Variants in EYS observed in about 807,000 individuals in gnomAD.
EYS encodes protein eyes shut homolog.
In EYS, 250 loss-of-function variants were observed where a neutral mutation model predicts 282.1. That is an observed-to-expected ratio of 0.89 (90% CI 0.80 to 0.98). The LOEUF (loss-of-function observed/expected upper bound fraction) is 0.98. Among genes scored for constraint, EYS ranks in the 50% least tolerant of loss-of-function variants. The pLI is 0.00. For synonymous variants in EYS, 1,355 were observed against 1,282.9 expected (o/e 1.06, Z -1.20); for missense variants, 4,016 against 3,709.0 (o/e 1.08, Z -2.15).
chr6:65,228,071 T>G (rs1766675294), intron 12 of EYS, among the ~76,000 whole-genome samples: 1 of 152,060 alleles, frequency 6.6e-6, no homozygotes, highest in African/African-American at 2.4e-5. Flanking sequence ...AATGTTAAGT[T>G]TGATGTTACA....
At chr6:65,602,184 T>G (rs1765637536) in intron 2 of EYS, among the ~76,000 whole-genome samples, 1 of 151,892 alleles carries the variant, frequency 6.6e-6, no homozygotes, top group African/African-American at 2.4e-5. Context: ...CTCCAAAACT[T>G]AAAATTAAGT....
chr6:64,849,053 A>G (rs1051142731), intron 19 of EYS, among the ~76,000 whole-genome samples: 1 of 151,970 alleles, frequency 6.6e-6, no homozygotes, highest in Non-Finnish European at 1.5e-5. Flanking sequence ...ACACTATTCT[A>G]TTTTCATTTA....
chr6:64,413,819 C>A (rs929484086), intron 28 of EYS, among the ~76,000 whole-genome samples: 1 of 152,116 alleles, frequency 6.6e-6, no homozygotes, highest in African/African-American at 2.4e-5. Flanking sequence ...ATGTTGAAAT[C>A]CTAACGCCCA....
intron 12 of EYS, among the ~76,000 whole-genome samples, chr6:65,227,320 G>A (rs1398848816): frequency 2.6e-5 from 4 of 152,110 alleles, no homozygotes; most frequent in South Asian, 2.1e-4. Flanking sequence ...GGGCTGAGAA[G>A]TAACAGTTAA....
chr6:64,348,436 A>AGTCC (rs1771494956), intron 29 of EYS, among the ~76,000 whole-genome samples: 1 of 32 alleles, frequency 0.031, no homozygotes, highest in Admixed American at 0.25. Context: ...CTCCCATGGA[A>AGTCC]GCCACTCCCA....
At chr6:65,208,209 ACAT>A (rs1766084985) in intron 12 of EYS, among the ~76,000 whole-genome samples, 1 of 151,858 alleles carries the variant, frequency 6.6e-6, no homozygotes. Flanking sequence ...AAAATGCTCA[ACAT>A]CACGAATCAT....
intron 29 of EYS, among the ~76,000 whole-genome samples, chr6:64,324,729 C>A (rs1770344291): frequency 6.6e-6 from 1 of 152,104 alleles, no homozygotes; most frequent in Non-Finnish European, 1.5e-5. Context: ...AAAGACTCTG[C>A]CAAAAGGCTA....
At chr6:64,390,185 C>T (rs925977603) in intron 28 of EYS, among the ~76,000 whole-genome samples, 16 of 152,046 alleles carry the variant, frequency 1.1e-4, no homozygotes, top group African/African-American at 2.4e-4. Flanking sequence ...AAGGAGGCAG[C>T]GAGGCTGGGG....
chr6:64,316,579 G>A (rs901340026), intron 29 of EYS, among the ~76,000 whole-genome samples: 7 of 152,008 alleles, frequency 4.6e-5, no homozygotes, highest in Non-Finnish European at 7.4e-5. Context: ...CAAACAAATG[G>A]AAAAACATTC....
chr6:65,019,041 T>C (rs377186769), intron 13 of EYS, among the ~76,000 whole-genome samples: 2 of 152,268 alleles, frequency 1.3e-5, no homozygotes, highest in African/African-American at 4.8e-5. Flanking sequence ...GTGGCATAAA[T>C]GTAGAACGAG....
chr6:65,334,067 C>A (rs918998601), intron 11 of EYS, among the ~76,000 whole-genome samples: 2 of 151,468 alleles, frequency 1.3e-5, no homozygotes, highest in Admixed American at 6.6e-5. Context: ...CCAGTCTAAA[C>A]GTCTCTAAAT....
At chr6:64,442,487 T>C (rs1774980893) in intron 26 of EYS, among the ~76,000 whole-genome samples, 1 of 152,226 alleles carries the variant, frequency 6.6e-6, no homozygotes, top group South Asian at 2.1e-4. Context: ...AAGCCAAATG[T>C]TAATCCCCCA....
At chr6:64,793,986 A>G (rs1029930705) in intron 22 of EYS, among the ~76,000 whole-genome samples, 15 of 152,174 alleles carry the variant, frequency 9.9e-5, no homozygotes, top group African/African-American at 2.4e-5. Flanking sequence ...ATTGAACAGC[A>G]GCTCCCCATT....
chr6:64,216,283 T>C (rs910676451), intron 31 of EYS, among the ~76,000 whole-genome samples: 1 of 152,152 alleles, frequency 6.6e-6, no homozygotes, highest in Admixed American at 6.6e-5. Flanking sequence ...ACAAACAAAG[T>C]CTCTAAATTA....
chr6:65,687,589 A>T (rs1769071285), intron 1 of EYS, among the ~76,000 whole-genome samples: 1 of 152,142 alleles, frequency 6.6e-6, no homozygotes, highest in Non-Finnish European at 1.5e-5. Context: ...CAGGACAATC[A>T]GGCAAGAGAA....
At chr6:63,919,573 T>G (rs1040939834) in intron 35 of EYS, among the ~76,000 whole-genome samples, 1 of 152,120 alleles carries the variant, frequency 6.6e-6, no homozygotes, top group African/African-American at 2.4e-5. Flanking sequence ...AACTGTGACA[T>G]AGACTTAATT....
chr6:64,743,530 C>T (rs1225123302), intron 22 of EYS, among the ~76,000 whole-genome samples: 1 of 152,008 alleles, frequency 6.6e-6, no homozygotes. Flanking sequence ...AAGTTATCTT[C>T]ACAGAATGGT....
intron 26 of EYS, among the ~76,000 whole-genome samples, chr6:64,561,792 C>T (rs1765401467): frequency 6.6e-6 from 1 of 151,686 alleles, no homozygotes; most frequent in Non-Finnish European, 1.5e-5. Flanking sequence ...ATCAAACTAC[C>T]AATGGCATTC....
intron 12 of EYS, among the ~76,000 whole-genome samples, chr6:65,248,270 A>G (rs1582061392): frequency 6.6e-6 from 1 of 152,102 alleles, no homozygotes; most frequent in African/African-American, 2.4e-5. Flanking sequence ...GAATGTATCA[A>G]TGTATCATTT....
Sources: allele counts gnomAD v4.1 joint callset (sites outside exome capture counted in the v4.1 genomes callset), GRCh38; gene constraint gnomAD v4.1.1; transcripts MANE v1.5; gene names NCBI Gene and HGNC (gene_info 2026-07-23, HGNC 2026-07-21).